LZTS1: variants seen among roughly 807,000 people sequenced by gnomAD.
LZTS1 encodes leucine zipper putative tumor suppressor 1.
In LZTS1, 31 loss-of-function variants were observed where a neutral mutation model predicts 45.8. The observed-to-expected ratio is 0.68, with a 90% CI of 0.51 to 0.91. LZTS1 has a LOEUF of 0.91. Ranked by LOEUF, LZTS1 falls within the 40% of genes least tolerant of loss-of-function variation. The pLI, the probability that LZTS1 is intolerant of heterozygous loss-of-function variation, is 0.00. For synonymous variants in LZTS1, 359 were observed against 357.3 expected, an observed-to-expected ratio of 1.00 and a Z score of -0.05; for missense variants, 821 against 788.9, an observed-to-expected ratio of 1.04 and a Z score of -0.49.
intron 1 of LZTS1, among the ~76,000 whole-genome samples, chr8:20,296,241 C>T (rs1800976784): frequency 6.6e-6 from 1 of 152,206 alleles, no homozygotes; most frequent in Admixed American, 6.5e-5. Context: ...GCGGGGATGG[C>T]CTCAGCCACC....
chr8:20,300,336 T>C (rs189535112), intron 1 of LZTS1, among the ~76,000 whole-genome samples: 205 of 152,268 alleles, frequency 1.3e-3, no homozygotes, highest in Non-Finnish European at 2.6e-3. Context: ...ACACTGTATT[T>C]TTTTTTTCTT....
intron 1 of LZTS1, chr8:20,290,450 T>C (rs1800881441): frequency 6.6e-6 from 1 of 152,182 alleles, no homozygotes; most frequent in Non-Finnish European, 1.5e-5. Context: ...ATTAAATCAT[T>C]AAATGCCAGC....
At chr8:20,260,090 A>G (rs1394804529) in intron 1 of LZTS1, among the ~76,000 whole-genome samples, 3 of 152,134 alleles carry the variant, frequency 2.0e-5, no homozygotes, top group Non-Finnish European at 4.4e-5. Flanking sequence ...TTGTAGAGAC[A>G]GGGGTCTCGC....
intron 1 of LZTS1, among the ~76,000 whole-genome samples, chr8:20,262,750 G>A (rs115949758): frequency 6.6e-6 from 1 of 152,116 alleles, no homozygotes; most frequent in Non-Finnish European, 1.5e-5. Context: ...GAGTAGAGGC[G>A]AGCAATGCTG....
At chr8:20,251,558 T>A (rs144317219) in intron 3 of LZTS1, among the ~76,000 whole-genome samples, 198 of 152,278 alleles carry the variant, frequency 1.3e-3, no homozygotes, top group African/African-American at 4.4e-3. Flanking sequence ...TGACCCCAGA[T>A]GGCCAAGATC....
chr8:20,271,988 G>C (rs1006641134), intron 1 of LZTS1, among the ~76,000 whole-genome samples: 1 of 152,194 alleles, frequency 6.6e-6, no homozygotes, highest in Non-Finnish European at 1.5e-5. Flanking sequence ...CCACTGGAGG[G>C]GTGAGCTGCT....
At chr8:20,265,547 A>G (rs1315985008) in intron 1 of LZTS1, among the ~76,000 whole-genome samples, 1 of 151,972 alleles carries the variant, frequency 6.6e-6, no homozygotes, top group Non-Finnish European at 1.5e-5. Context: ...GCACAGTGCC[A>G]CAATGCCTAT....
At chr8:20,270,974 A>G (rs1349863675) in intron 1 of LZTS1, among the ~76,000 whole-genome samples, 1 of 152,044 alleles carries the variant, frequency 6.6e-6, no homozygotes, top group African/African-American at 2.4e-5. Context: ...GGTGCTGGAA[A>G]TGACCTGGCG....
intron 3 of LZTS1, among the ~76,000 whole-genome samples, chr8:20,252,197 AGTGT>A (rs907956009): frequency 1.3e-5 from 2 of 151,992 alleles, no homozygotes; most frequent in Non-Finnish European, 2.9e-5. Flanking sequence ...CGGGTGAGTG[AGTGT>A]GTGTGAGTGT....
intron 1 of LZTS1, among the ~76,000 whole-genome samples, chr8:20,281,969 G>A (rs909326039): frequency 1.3e-5 from 2 of 152,160 alleles, no homozygotes; most frequent in Non-Finnish European, 2.9e-5. Flanking sequence ...GCCCCCCAGA[G>A]TATAGCCCCT....
At position 20,303,774 on chromosome 8, in the gene LZTS1, T is replaced by A; in HGVS notation, c.-169A>T. ...GCGCCTCGGGCGCACTTGAGACTTT[T>A]TTTTTTTCCCAGTGTTTCCCGGTGT... On this transcript the variant is annotated 5_prime_UTR_variant, in exon 1 of 4. Coordinates refer to ENST00000381569, the MANE Select transcript of LZTS1 (RefSeq NM_021020.5). 3.0e-6 allele frequency: 3 copies of A among 984,342 alleles called. No individual in the cohort carries two copies. The highest frequency in any genetic ancestry group is 2.4e-6 in the Non-Finnish European group (2 of 829,962). The allele number at this position is 984,342 out of a possible 1,614,324, so 61.0% of individuals were successfully genotyped here. A position where few individuals can be genotyped will look rare whatever the true frequency, so the allele number is the denominator to read the frequency against.
chr8:20,281,175 C>T (rs955878887), intron 1 of LZTS1, among the ~76,000 whole-genome samples: 1 of 152,126 alleles, frequency 6.6e-6, no homozygotes, highest in African/African-American at 2.4e-5. Context: ...GGATGTTTGT[C>T]CCCTCCAAAT....
intron 1 of LZTS1, among the ~76,000 whole-genome samples, chr8:20,294,429 G>A (rs1800948732): frequency 6.6e-6 from 1 of 152,238 alleles, no homozygotes; most frequent in African/African-American, 2.4e-5. Context: ...GGGAGGAGCC[G>A]AAGGCAGCTG....
At chr8:20,265,037 C>G (rs959259055) in intron 1 of LZTS1, among the ~76,000 whole-genome samples, 7 of 152,108 alleles carry the variant, frequency 4.6e-5, no homozygotes, top group African/African-American at 1.7e-4. Flanking sequence ...GAGGGTCACC[C>G]TGTGGGTTCA....
chr8:20,290,986 T>C (rs1458355866), intron 1 of LZTS1, among the ~76,000 whole-genome samples: 2 of 152,146 alleles, frequency 1.3e-5, no homozygotes, highest in African/African-American at 2.4e-5. Context: ...TTGGATGGCC[T>C]CCCAACCTTC....
intron 1 of LZTS1, among the ~76,000 whole-genome samples, chr8:20,278,527 G>T (rs751055507): frequency 2.0e-5 from 3 of 152,134 alleles, no homozygotes; most frequent in African/African-American, 7.2e-5. Flanking sequence ...TCTTACAAGC[G>T]TGCTTCACTC....
At chr8:20,266,593 G>T (rs1347202770) in intron 1 of LZTS1, among the ~76,000 whole-genome samples, 1 of 142,428 alleles carries the variant, frequency 7.0e-6, no homozygotes, top group Non-Finnish European at 1.6e-5. Context: ...CGGCGTTTTG[G>T]ACCAAGACAA....
intron 3 of LZTS1, among the ~76,000 whole-genome samples, chr8:20,251,468 C>T (rs111454535): frequency 2.3e-3 from 354 of 152,178 alleles, no homozygotes; most frequent in African/African-American, 7.6e-3. Context: ...CAGGCTAGTT[C>T]CAAGAATCCA....
chr8:20,278,342 G>A (rs891281534), intron 1 of LZTS1, among the ~76,000 whole-genome samples: 3 of 152,158 alleles, frequency 2.0e-5, no homozygotes, highest in Admixed American at 6.5e-5. Flanking sequence ...GTAAACCCAC[G>A]GTGCAGGTAC....
Sources: gnomAD v4.1 joint callset for allele counts (sites outside exome capture counted in the v4.1 genomes callset) on GRCh38, gnomAD v4.1.1 for gene constraint, MANE v1.5 for transcripts, NCBI Gene and HGNC (gene_info 2026-07-23, HGNC 2026-07-21) for gene names.